The following NRXN1 variants were observed in gnomAD, a reference collection of about 807,000 sequenced individuals.
The protein encoded by NRXN1 is neurexin-1.
A neutral mutation model predicts 150.9 loss-of-function variants in NRXN1; 39 were observed. That is an observed-to-expected ratio of 0.26 (90% CI 0.20 to 0.34). The LOEUF is 0.34. Among genes scored for constraint, NRXN1 ranks in the 10% least tolerant of loss-of-function variants. The pLI is 1.00. For missense variants in NRXN1, 1,815 were observed against 1,949.9 expected (o/e 0.93, Z 1.30); for synonymous variants, 924 against 757.0 (o/e 1.22, Z -3.62).
chr2:51,026,362 C>T lies in NRXN1; in HGVS notation c.772+1140G>A, dbSNP rs61658382. Reference sequence around the variant, plus strand: ...CCACTGATTCGTCTTTTTCACACCACTCACTCACTTTCTGTTAGAGGCTTT... The same window carrying T: ...CCACTGATTCGTCTTTTTCACACCATTCACTCACTTTCTGTTAGAGGCTTT... On this transcript the variant is annotated intron_variant, in intron 2 of 22. Transcript: ENST00000401669. The T allele has an allele frequency of 1.7e-3, 2,655 of 1,554,786 alleles. 37 individuals are homozygous for T. The African/African-American group carries it at 0.031, about 18-fold the overall frequency.
At chr2:50,964,597 A>T (rs1324770901) in intron 2 of NRXN1, among the ~76,000 whole-genome samples, 1 of 151,518 alleles carries the variant, frequency 6.6e-6, no homozygotes, top group African/African-American at 2.4e-5. Context: ...ATTTTGTAAA[A>T]GAAAGCACTA....
chr2:50,164,554 G>A (rs749352235), intron 18 of NRXN1, among the ~76,000 whole-genome samples: 3 of 152,152 alleles, frequency 2.0e-5, no homozygotes, highest in Non-Finnish European at 4.4e-5. Context: ...GTGTCACATT[G>A]TCAAATGTGA....
chr2:50,512,223 T>TA (rs2092477783), intron 12 of NRXN1, among the ~76,000 whole-genome samples: 2 of 152,194 alleles, frequency 1.3e-5, no homozygotes, highest in Non-Finnish European at 2.9e-5. Flanking sequence ...TTATTACTGT[T>TA]ACTAATTTCA....
chr2:50,435,533 C>T (rs528850178), intron 17 of NRXN1, among the ~76,000 whole-genome samples: 1 of 152,096 alleles, frequency 6.6e-6, no homozygotes, highest in Non-Finnish European at 1.5e-5. Context: ...TTTTCTTTAT[C>T]TAGTCTACCC....
intron 2 of NRXN1, among the ~76,000 whole-genome samples, chr2:50,931,085 T>C (rs368388144): frequency 1.3e-5 from 2 of 152,146 alleles, no homozygotes; most frequent in African/African-American, 4.8e-5. Context: ...TTGGCCTGTG[T>C]ATTACCATCA....
chr2:50,031,314 T>A (rs1481977935), intron 21 of NRXN1, among the ~76,000 whole-genome samples: 3 of 151,962 alleles, frequency 2.0e-5, no homozygotes, highest in Non-Finnish European at 4.4e-5. Context: ...AAACGTAACA[T>A]CCTTCTAATC....
At chr2:50,093,640 A>T (rs1219233224) in intron 18 of NRXN1, among the ~76,000 whole-genome samples, 1 of 152,066 alleles carries the variant, frequency 6.6e-6, no homozygotes, top group East Asian at 1.9e-4. Context: ...TCTCAAAATA[A>T]ATAAATATTT....
At chr2:50,533,170 A>G (rs532182611) in intron 10 of NRXN1, among the ~76,000 whole-genome samples, 3 of 152,238 alleles carry the variant, frequency 2.0e-5, no homozygotes, top group African/African-American at 7.2e-5. Flanking sequence ...CTCCCTGCTT[A>G]GGTTAGCTCC....
At chr2:50,098,830 GTTTTTTTTTTTTTTTTTTTTTTT>G (rs746736925) in intron 18 of NRXN1, among the ~76,000 whole-genome samples, 9 of 105,540 alleles carry the variant, frequency 8.5e-5, no homozygotes, top group South Asian at 3.4e-4. Context: ...TTTGGTTTTA[GTTTTTTTTTTTTTTTTTTTTTTT>G]TTTTTTTTTT....
intron 17 of NRXN1, among the ~76,000 whole-genome samples, chr2:50,383,153 A>G (rs1572764157): frequency 6.6e-6 from 1 of 152,200 alleles, no homozygotes; most frequent in East Asian, 1.9e-4. Context: ...TAAAACTTTG[A>G]ATCCCAACTT....
intron 18 of NRXN1, among the ~76,000 whole-genome samples, chr2:50,194,803 T>C (rs2061656631): frequency 6.6e-6 from 1 of 152,192 alleles, no homozygotes; most frequent in South Asian, 2.1e-4. Context: ...GGAACATGCA[T>C]GAACTGGTCT....
chr2:50,310,992 ATT>A (rs1253075965), intron 17 of NRXN1, among the ~76,000 whole-genome samples: 1 of 152,160 alleles, frequency 6.6e-6, no homozygotes, highest in Non-Finnish European at 1.5e-5. Context: ...CATAAATTCC[ATT>A]TTTTCCCTAG....
At chr2:50,808,058 G>A (rs968300494) in intron 5 of NRXN1, among the ~76,000 whole-genome samples, 1 of 151,978 alleles carries the variant, frequency 6.6e-6, no homozygotes, top group African/African-American at 2.4e-5. Flanking sequence ...CCCTTATTGT[G>A]CCTTAAATGT....
chr2:49,931,647 AG>A (rs1222231126), intron 22 of NRXN1, among the ~76,000 whole-genome samples: 1 of 152,050 alleles, frequency 6.6e-6, no homozygotes, highest in Non-Finnish European at 1.5e-5. Flanking sequence ...AAAGCCATAT[AG>A]GCAATAATTG....
intron 17 of NRXN1, among the ~76,000 whole-genome samples, chr2:50,456,358 A>G (rs2087557564): frequency 6.6e-6 from 1 of 152,144 alleles, no homozygotes; most frequent in African/African-American, 2.4e-5. Flanking sequence ...GGTCATTAAA[A>G]TCACACAATC....
rs186426499 is a variant in NRXN1 at position 50,901,337 on chromosome 2, C to A, written c.832+20532G>T. The stretch of plus-strand genomic sequence containing the variant: ...GATCACAAGGTCAGGAGATCGAGAC[C>A]ATCCTGGCTAACATGGTGAAAACCA... On this transcript the variant is annotated intron_variant, in intron 5 of 22. Transcript: ENST00000401669. Among the ~76,000 whole-genome samples the A allele has an allele frequency of 7.4e-3, 1,126 of 152,076 alleles. 15 individuals are homozygous for A. The highest frequency in any genetic ancestry group is 0.026 in the African/African-American group (1,067 of 41,494).
chr2:50,976,266 A>T (rs1174462853), intron 2 of NRXN1, among the ~76,000 whole-genome samples: 1 of 147,744 alleles, frequency 6.8e-6, no homozygotes, highest in Non-Finnish European at 1.5e-5. Context: ...CTAAGTGGGG[A>T]TTCTTTCTTG....
intron 9 of NRXN1, chr2:50,548,206 C>T (rs1183029549): frequency 6.6e-6 from 1 of 152,108 alleles, no homozygotes; most frequent in African/African-American, 2.4e-5. Flanking sequence ...ATGGATTTTC[C>T]TGCTCCCTAA....
intron 17 of NRXN1, among the ~76,000 whole-genome samples, chr2:50,276,950 G>C (rs987555270): frequency 2.6e-5 from 4 of 152,114 alleles, no homozygotes; most frequent in African/African-American, 9.7e-5. Flanking sequence ...CCCCTGCTTT[G>C]ACTAGGGCTC....
Sources: allele counts gnomAD v4.1 joint callset (sites outside exome capture counted in the v4.1 genomes callset), GRCh38; gene constraint gnomAD v4.1.1; transcripts MANE v1.5; gene names NCBI Gene and HGNC (gene_info 2026-07-23, HGNC 2026-07-21).